Variants in SORCS1 observed in about 807,000 individuals in gnomAD.
SORCS1 encodes VPS10 domain-containing receptor SorCS1.
In SORCS1, 60 loss-of-function variants were observed where a neutral mutation model predicts 146.1. The observed-to-expected ratio is 0.41, with a 90% CI of 0.33 to 0.51. The LOEUF is 0.51. Among genes scored for constraint, SORCS1 ranks in the 20% least tolerant of loss-of-function variants. SORCS1 has a pLI of 0.21. For missense variants in SORCS1, 1,352 were observed against 1,487.6 expected, an observed-to-expected ratio of 0.91 and a Z score of 1.50; for synonymous variants, 637 against 584.0, an observed-to-expected ratio of 1.09 and a Z score of -1.31.
chr10:106,711,555 G>C (rs927757973), intron 6 of SORCS1, among the ~76,000 whole-genome samples: 5 of 152,148 alleles, frequency 3.3e-5, no homozygotes, highest in African/African-American at 9.7e-5. Flanking sequence ...ATGACTGATG[G>C]GGTTTCTGAT....
At chr10:106,984,343 GA>G (rs1324203750) in intron 1 of SORCS1, among the ~76,000 whole-genome samples, 1 of 151,132 alleles carries the variant, frequency 6.6e-6, no homozygotes, top group Non-Finnish European at 1.5e-5. Context: ...TCCTTTGCAA[GA>G]CTTTAGACAG....
chr10:106,750,160 T>A (rs1207742026), intron 5 of SORCS1, among the ~76,000 whole-genome samples: 1 of 152,148 alleles, frequency 6.6e-6, no homozygotes, highest in African/African-American at 2.4e-5. Context: ...GACACAATTA[T>A]GAGGATTTTT....
intron 2 of SORCS1, among the ~76,000 whole-genome samples, chr10:106,836,428 T>C (rs937105215): frequency 1.3e-5 from 2 of 149,888 alleles, no homozygotes; most frequent in Non-Finnish European, 3.0e-5. Context: ...TGAGCCGAGA[T>C]TGCGCCACTG....
At chr10:106,836,570 G>A (rs1024495633) in intron 2 of SORCS1, among the ~76,000 whole-genome samples, 11 of 151,598 alleles carry the variant, frequency 7.3e-5, no homozygotes, top group African/African-American at 2.4e-4. Context: ...AAAAGCCACC[G>A]GGAGAAATCT....
At chr10:106,942,962 T>C (rs563981515) in intron 2 of SORCS1, among the ~76,000 whole-genome samples, 1 of 152,264 alleles carries the variant, frequency 6.6e-6, no homozygotes, top group East Asian at 1.9e-4. Context: ...AAATCACGTC[T>C]CTTCCTTTTA....
At position 107,049,273 on chromosome 10, in the gene SORCS1, G is replaced by A. The variant is rs1051414552; in HGVS notation, c.559-92693C>T. 1.7e-4 allele frequency among the ~76,000 whole-genome samples: 18 copies of A among 108,746 alleles called. No individual in the cohort carries two copies. The Admixed American group carries it at 2.2e-3, about 13-fold the overall frequency. The allele number at this position is 108,746 out of a possible 152,430, so 71.3% of individuals were successfully genotyped here. The stretch of plus-strand genomic sequence containing the variant: ...ATCACACTCTGGGTACTGTTGTGGG[G>A]TGGGGGGAGGGGGGAGGGATAGCAT... On this transcript the variant is annotated intron_variant, in intron 1 of 25. Coordinates refer to ENST00000263054, the MANE Select transcript of SORCS1 (RefSeq NM_052918.5).
chr10:107,038,467 C>T (rs1959008251), intron 1 of SORCS1, among the ~76,000 whole-genome samples: 1 of 151,818 alleles, frequency 6.6e-6, no homozygotes, highest in African/African-American at 2.4e-5. Flanking sequence ...GTGCAGCACA[C>T]CAACATGGCA....
At chr10:106,810,939 A>T (rs770189662) in intron 3 of SORCS1, among the ~76,000 whole-genome samples, 3 of 149,868 alleles carry the variant, frequency 2.0e-5, no homozygotes, top group Non-Finnish European at 4.4e-5. Flanking sequence ...AAAGGGTATA[A>T]TTTCTTTTTT....
At chr10:106,974,848 C>T (rs371003991) in intron 1 of SORCS1, among the ~76,000 whole-genome samples, 4 of 152,142 alleles carry the variant, frequency 2.6e-5, no homozygotes, top group African/African-American at 7.2e-5. Context: ...TTGTTAAGGG[C>T]GGAAACAAAA....
At chr10:106,934,188 C>A (rs1200926977) in intron 2 of SORCS1, among the ~76,000 whole-genome samples, 4 of 150,882 alleles carry the variant, frequency 2.7e-5, no homozygotes, top group Non-Finnish European at 5.9e-5. Flanking sequence ...AACGTTTATA[C>A]ACTGCTTATG....
chr10:106,977,235 C>G (rs1956066887), intron 1 of SORCS1, among the ~76,000 whole-genome samples: 1 of 152,340 alleles, frequency 6.6e-6, no homozygotes, highest in African/African-American at 2.4e-5. Context: ...GCCATTCTAA[C>G]TGGCATGAGA....
chr10:107,006,515 A>T (rs1957448766), intron 1 of SORCS1, among the ~76,000 whole-genome samples: 1 of 152,230 alleles, frequency 6.6e-6, no homozygotes, highest in Admixed American at 6.5e-5. Flanking sequence ...CAAAGAAGAG[A>T]ACATGAAAAT....
At chr10:106,669,224 C>A (rs1201363920) in intron 16 of SORCS1, among the ~76,000 whole-genome samples, 2 of 150,360 alleles carry the variant, frequency 1.3e-5, no homozygotes, top group South Asian at 4.3e-4. Flanking sequence ...TCTGGACTAG[C>A]TTACAATTGA....
chr10:106,703,383 G>A (rs570794264), intron 8 of SORCS1, among the ~76,000 whole-genome samples: 1 of 152,004 alleles, frequency 6.6e-6, no homozygotes, highest in East Asian at 1.9e-4. Context: ...CTTTTATAGA[G>A]TATCTGTCCT....
intron 1 of SORCS1, among the ~76,000 whole-genome samples, chr10:106,985,601 TCTTGGCTCACTGCAGCCTCTAA>T (rs1237650025): frequency 6.6e-6 from 1 of 150,864 alleles, no homozygotes; most frequent in East Asian, 2.0e-4. Flanking sequence ...AGTGGCACGA[TCTTGGCTCACTGCAGCCTCTAA>T]CTTCCCGGGT....
At chr10:106,653,465 A>G (rs949860196) in intron 17 of SORCS1, among the ~76,000 whole-genome samples, 3 of 152,212 alleles carry the variant, frequency 2.0e-5, no homozygotes, top group African/African-American at 7.2e-5. Context: ...CAAACTTTTT[A>G]TATAAACAGC....
chr10:106,855,708 T>C (rs931100446), intron 2 of SORCS1, among the ~76,000 whole-genome samples: 2 of 152,210 alleles, frequency 1.3e-5, no homozygotes, highest in East Asian at 1.9e-4. Context: ...TTTTCATCTC[T>C]AGCATTTCTT....
the SORCS1 span, among the ~76,000 whole-genome samples, chr10:107,170,444 A>G: frequency 6.6e-6 from 1 of 152,340 alleles, no homozygotes; most frequent in Non-Finnish European, 1.5e-5. Flanking sequence ...TGCAAAACCA[A>G]AAGCTTCTAT....
chr10:107,013,095 A>G (rs61867203), intron 1 of SORCS1, among the ~76,000 whole-genome samples: 53,734 of 152,064 alleles, frequency 0.35, 11,419 homozygotes, highest in East Asian at 0.53. Context: ...CTTGTAGAGT[A>G]CCTGGTACAC....
Sources: gnomAD v4.1 joint callset for allele counts (sites outside exome capture counted in the v4.1 genomes callset) on GRCh38, gnomAD v4.1.1 for gene constraint, MANE v1.5 for transcripts, NCBI Gene and HGNC (gene_info 2026-07-23, HGNC 2026-07-21) for gene names.